ENTPD1: variants seen among roughly 807,000 people sequenced by gnomAD.
ENTPD1 encodes the protein ectonucleoside triphosphate diphosphohydrolase 1.
ENTPD1 carries 33 observed loss-of-function variants against 57.0 expected under a neutral mutation model. The ratio of observed to expected loss-of-function variants is 0.58; its 90% CI spans 0.44 to 0.77. The LOEUF is 0.77. Ranked by LOEUF, ENTPD1 falls within the 30% of genes least tolerant of loss-of-function variation. The pLI is 0.00. For missense variants in ENTPD1, 501 were observed against 603.4 expected (o/e 0.83, Z 1.78); for synonymous variants, 202 against 218.8 (o/e 0.92, Z 0.68).
chr10:95,819,648 T>C (rs1362740942), intron 1 of ENTPD1, among the ~76,000 whole-genome samples: 1 of 152,198 alleles, frequency 6.6e-6, no homozygotes, highest in Non-Finnish European at 1.5e-5. Flanking sequence ...TTGGGTTTCC[T>C]TCAGTTTTAT....
intron 1 of ENTPD1, among the ~76,000 whole-genome samples, chr10:95,715,279 T>C (rs780438279): frequency 2.0e-5 from 3 of 152,238 alleles, no homozygotes; most frequent in Non-Finnish European, 2.9e-5. Flanking sequence ...ATAATTGTTA[T>C]ATTTTCAGAT....
upstream of ENTPD1, among the ~76,000 whole-genome samples, chr10:95,711,257 T>A (rs1030341127): frequency 6.6e-6 from 1 of 152,226 alleles, no homozygotes; most frequent in Non-Finnish European, 1.5e-5. Context: ...CTGGAGAGGC[T>A]TCTACCCCAC....
At chr10:95,721,876 CAAAGA>C (rs2097977879) in intron 1 of ENTPD1, among the ~76,000 whole-genome samples, 1 of 152,150 alleles carries the variant, frequency 6.6e-6, no homozygotes, top group African/African-American at 2.4e-5. Flanking sequence ...TTCTTGACCA[CAAAGA>C]AAAGGGTCCA....
chr10:95,772,209 G>A (rs71482376), intron 1 of ENTPD1, among the ~76,000 whole-genome samples: 16,107 of 152,242 alleles, frequency 0.11, 1,014 homozygotes, highest in Middle Eastern at 0.22. Flanking sequence ...GTTGGTTGCT[G>A]AAGGTTGGAG....
At chr10:95,787,155 C>A (rs1566147306) in intron 1 of ENTPD1, among the ~76,000 whole-genome samples, 1 of 151,864 alleles carries the variant, frequency 6.6e-6, no homozygotes, top group Non-Finnish European at 1.5e-5. Context: ...TCCAATAAAG[C>A]ATAATAAGAT....
In ENTPD1 at chr10:95,870,391, G is replaced by GCTACAGGTGTGCACCTAAGTAGCTAGGA. The variant is rs1186164424; in HGVS notation, c.*4024_*4051dup. ...CCTCGACCTCCCAAGCTCAAGCAAG[G>GCTACAGGTGTGCACCTAAGTAGCTAGGA]CTACAGGTGTGCACCTAAGTAGCTA... On this transcript the variant is annotated 3_prime_UTR_variant, in exon 10 of 10. Coordinates refer to ENST00000371205, the MANE Select transcript of ENTPD1 (RefSeq NM_001776.6). The GCTACAGGTGTGCACCTAAGTAGCTAGGA allele has an allele frequency of 8.8e-6, 7 of 791,394 alleles. No homozygotes were observed. In the East Asian group the frequency reaches 8.8e-4, roughly 100 times the overall value. 49.0% of individuals were successfully genotyped at this position (791,394 alleles called of 1,614,324 possible). A position where few individuals can be genotyped will look rare whatever the true frequency, so the allele number is the denominator to read the frequency against.
In ENTPD1 at chr10:95,873,440, T is replaced by C. The variant is rs2098482590; in HGVS notation, c.*7057T>C. 2 of 985,348 alleles carry C rather than the reference T, an allele frequency of 2.0e-6. 1 individual carries two copies. Among genetic ancestry groups the C allele is most frequent in the Admixed American group, 1.2e-4 (2 of 16,252 alleles). 61.0% of individuals were successfully genotyped at this position (985,348 alleles called of 1,614,324 possible). On this transcript the variant is annotated 3_prime_UTR_variant, in exon 10 of 10. Transcript: ENST00000371205. ...CCTCATACTCAGTGAAGGCCTGGAG[T>C]GCTTAAGAGGGATTTCTTCCAGCTC...
At chr10:95,830,735 A>G (rs1013880364) in intron 2 of ENTPD1, among the ~76,000 whole-genome samples, 4 of 152,056 alleles carry the variant, frequency 2.6e-5, no homozygotes, top group African/African-American at 9.7e-5. Context: ...CCCAGGAGGC[A>G]GAGGTTGCAG....
intron 1 of ENTPD1, among the ~76,000 whole-genome samples, chr10:95,758,319 G>C (rs1018875901): frequency 1.3e-5 from 2 of 152,200 alleles, no homozygotes; most frequent in Non-Finnish European, 2.9e-5. Flanking sequence ...GTAACATGAA[G>C]AGAATAACAG....
In ENTPD1 at chr10:95,728,763, T is replaced by A. The variant is rs1589649991; in HGVS notation, c.37+16770T>A. The stretch of plus-strand genomic sequence containing the variant: ...AGCTCCCCACAATGGCAACAGAAGG[T>A]AGCTATGAAATCATTACAATAGTAC... On this transcript the variant is annotated intron_variant, in intron 1 of 9. Coordinates refer to the ENTPD1 transcript ENST00000453258. Among the ~76,000 whole-genome samples, 7 of 152,332 alleles carry A rather than the reference T, an allele frequency of 4.6e-5. No individual in the cohort carries two copies. The East Asian group carries it at 1.2e-3, about 25-fold the overall frequency.
intron 1 of ENTPD1, among the ~76,000 whole-genome samples, chr10:95,804,053 T>C (rs1589903316): frequency 6.6e-6 from 1 of 152,198 alleles, no homozygotes; most frequent in Non-Finnish European, 1.5e-5. Context: ...TTCTGTTCCA[T>C]TGGTCTGTCT....
Position 95,839,485 on chromosome 10 carries a change from A to T in ENTPD1, c.145-206A>T. On this transcript the variant is annotated intron_variant, in intron 2 of 9. Coordinates refer to ENST00000371205, the MANE Select transcript of ENTPD1 (RefSeq NM_001776.6). The stretch of plus-strand genomic sequence containing the variant: ...TGCATAAGGTCTGAATATTTCTAAC[A>T]TGCAAACAGCATGAAGAGCCCCGTT... 1.3e-5 allele frequency: 8 copies of T among 620,776 alleles called. No homozygotes were observed. In the South Asian group the frequency reaches 1.4e-4, roughly 11 times the overall value. 38.5% of individuals were successfully genotyped at this position (620,776 alleles called of 1,614,324 possible).
At chr10:95,711,104 C>A (rs975027954), upstream of ENTPD1, among the ~76,000 whole-genome samples, 6 of 152,030 alleles carry the variant, frequency 3.9e-5, no homozygotes, top group African/African-American at 7.3e-5. Flanking sequence ...CCTCTTCCCC[C>A]AGGTGGGTCA....
chr10:95,839,918 A>C lies in ENTPD1; in HGVS notation c.262+110A>C. 4 of 1,062,642 alleles carry C rather than the reference A, an allele frequency of 3.8e-6. No homozygotes were observed. The Admixed American group carries it at 7.1e-5, about 19-fold the overall frequency. The allele number at this position is 1,062,642 out of a possible 1,614,324, so 65.8% of individuals were successfully genotyped here. A position where few individuals can be genotyped will look rare whatever the true frequency, so the allele number is the denominator to read the frequency against. Reference sequence around the variant, plus strand: ...AAGGAGTCCCACGCATAGGAAGCCAAGTGAAGAAAACAGTGCAGCTGCTGT... The same window carrying C: ...AAGGAGTCCCACGCATAGGAAGCCACGTGAAGAAAACAGTGCAGCTGCTGT... On this transcript the variant is annotated intron_variant, in intron 3 of 9. Transcript: ENST00000371205.
intron 1 of ENTPD1, among the ~76,000 whole-genome samples, chr10:95,724,369 C>T (rs567057332): frequency 4.4e-4 from 67 of 152,076 alleles, no homozygotes; most frequent in African/African-American, 1.4e-3. Flanking sequence ...AAAATGTTAC[C>T]GGGGCGGGGT....
chr10:95,748,153 G>A (rs796355484), intron 1 of ENTPD1, among the ~76,000 whole-genome samples: 1 of 152,150 alleles, frequency 6.6e-6, no homozygotes, highest in African/African-American at 2.4e-5. Flanking sequence ...GATTACAGGC[G>A]TGAGCCACCG....
upstream of ENTPD1, among the ~76,000 whole-genome samples, chr10:95,710,473 G>T (rs1299020402): frequency 6.6e-6 from 1 of 152,076 alleles, no homozygotes; most frequent in Non-Finnish European, 1.5e-5. Flanking sequence ...TTGTTTACAA[G>T]CATTTATCTA....
chr10:95,695,780 C>A, the ENTPD1 span, among the ~76,000 whole-genome samples: 1 of 151,974 alleles, frequency 6.6e-6, no homozygotes, highest in Non-Finnish European at 1.5e-5. Context: ...TATCCCCATG[C>A]CTAGAACAGT....
At chr10:95,785,332 C>T (rs1418704088) in intron 1 of ENTPD1, 1 of 152,220 alleles carries the variant, frequency 6.6e-6, no homozygotes, top group Non-Finnish European at 1.5e-5. Context: ...AGCTGTCCCA[C>T]CTTAGGCAGG....
Sources: allele counts gnomAD v4.1 joint callset (sites outside exome capture counted in the v4.1 genomes callset), GRCh38; gene constraint gnomAD v4.1.1; transcripts MANE v1.5; gene names NCBI Gene and HGNC (gene_info 2026-07-23, HGNC 2026-07-21).